SPATA6: variants seen among roughly 807,000 people sequenced by gnomAD.
The protein encoded by SPATA6 is spermatogenesis associated 6, also known as spermatogenesis-associated protein 6.
Under a neutral mutation model 65.3 loss-of-function variants are expected in SPATA6, and 56 were observed. That is an observed-to-expected ratio of 0.86 (90% CI 0.69 to 1.07). The LOEUF (loss-of-function observed/expected upper bound fraction) is 1.07. Among genes scored for constraint, SPATA6 ranks in the 50% least tolerant of loss-of-function variants. SPATA6 has a pLI of 0.00. For synonymous variants in SPATA6, 199 were observed against 213.2 expected (o/e 0.93, Z 0.58); for missense variants, 590 against 594.8 (o/e 0.99, Z 0.08).
intron 11 of SPATA6, among the ~76,000 whole-genome samples, chr1:48,351,583 A>C (rs1646515146): frequency 1.3e-5 from 2 of 152,102 alleles, no homozygotes; most frequent in Non-Finnish European, 2.9e-5. Context: ...GCTTTTTCTT[A>C]ATCATTTACT....
At chr1:48,288,805 C>T in the SPATA6 span, among the ~76,000 whole-genome samples, 1 of 152,186 alleles carries the variant, frequency 6.6e-6, no homozygotes, top group Non-Finnish European at 1.5e-5. Flanking sequence ...GGGAGGGGCG[C>T]CCACCATTGC....
intron 8 of SPATA6, among the ~76,000 whole-genome samples, chr1:48,388,165 A>G (rs1649681119): frequency 6.6e-6 from 1 of 152,144 alleles, no homozygotes; most frequent in Non-Finnish European, 1.5e-5. Context: ...CAGCAAAACT[A>G]GAACACAGCC....
At chr1:48,430,516 G>A (rs1490504452) in intron 3 of SPATA6, among the ~76,000 whole-genome samples, 1 of 152,102 alleles carries the variant, frequency 6.6e-6, no homozygotes, top group South Asian at 2.1e-4. Flanking sequence ...ACCCTAGACA[G>A]TAACACAAAG....
intron 11 of SPATA6, among the ~76,000 whole-genome samples, chr1:48,337,117 C>T (rs1440551662): frequency 6.6e-6 from 1 of 151,840 alleles, no homozygotes; most frequent in African/African-American, 2.4e-5. Flanking sequence ...AGACCAATCA[C>T]TGTCATTAAT....
chr1:48,471,589 A>C (rs1459632768), intron 1 of SPATA6, among the ~76,000 whole-genome samples: 1 of 152,098 alleles, frequency 6.6e-6, no homozygotes, highest in African/African-American at 2.4e-5. Context: ...GGGGGCAATA[A>C]TTCTCTAAGA....
At chr1:48,395,466 C>A in intron 7 of SPATA6, 112 bp from the exon 8 acceptor site, 1 of 551,090 alleles carries the variant, frequency 1.8e-6, no homozygotes, top group Non-Finnish European at 2.8e-6. Context: ...ATCAGGGAAA[C>A]ATGATGGTGC....
intron 11 of SPATA6, among the ~76,000 whole-genome samples, chr1:48,316,409 C>T (rs1258633745): frequency 2.6e-5 from 4 of 152,070 alleles, no homozygotes; most frequent in South Asian, 4.2e-4. Flanking sequence ...CTTTGACAAA[C>T]GTGACAAAAA....
intron 5 of SPATA6, among the ~76,000 whole-genome samples, chr1:48,408,405 T>G (rs185377882): frequency 4.0e-4 from 61 of 152,206 alleles, no homozygotes; most frequent in Non-Finnish European, 7.8e-4. Flanking sequence ...TAGTAAAGGA[T>G]AGAGAGTAAG....
At position 48,359,788 on chromosome 1, in the gene SPATA6, T is replaced by C. The variant is rs1342885415; in HGVS notation, c.910-18A>G. On this transcript the variant is annotated intron_variant, in intron 9 of 12. Transcript: ENST00000371847. ...CTGATAACCTGTTTTAAAAATTATATACATATAGATATACAAATACAGATA... is the reference window on the plus strand; with the variant it reads ...CTGATAACCTGTTTTAAAAATTATACACATATAGATATACAAATACAGATA... 2.2e-5 allele frequency: 34 copies of C among 1,551,266 alleles called. 1 individual carries two copies. In the East Asian group the frequency reaches 8.2e-4, roughly 37 times the overall value.
chr1:48,292,363 T>C (rs927343117), downstream of SPATA6, among the ~76,000 whole-genome samples: 2 of 152,176 alleles, frequency 1.3e-5, no homozygotes, highest in African/African-American at 4.8e-5. Flanking sequence ...ATTTGGCAAC[T>C]ATGTTGTCCT....
intron 4 of SPATA6, among the ~76,000 whole-genome samples, chr1:48,412,706 C>A (rs567089025): frequency 6.6e-6 from 1 of 152,140 alleles, no homozygotes; most frequent in Non-Finnish European, 1.5e-5. Context: ...GCAACCTCTG[C>A]CTCCCGGGTT....
chr1:48,311,890 G>A (rs535678834), intron 11 of SPATA6, among the ~76,000 whole-genome samples: 3 of 152,320 alleles, frequency 2.0e-5, no homozygotes, highest in Non-Finnish European at 4.4e-5. Context: ...CTTTTCCAAT[G>A]GTCTTAGCAA....
chr1:48,314,758 T>C (rs967337579), intron 11 of SPATA6, among the ~76,000 whole-genome samples: 1 of 151,928 alleles, frequency 6.6e-6, no homozygotes. Flanking sequence ...CAGGAGCTGG[T>C]TTTTTGAAAA....
At chr1:48,358,224 A>G (rs191970464) in intron 10 of SPATA6, among the ~76,000 whole-genome samples, 3 of 152,270 alleles carry the variant, frequency 2.0e-5, no homozygotes, top group Non-Finnish European at 4.4e-5. Context: ...GCTGGAACAA[A>G]ATTGCATACA....
At chr1:48,446,666 G>C (rs979008811) in intron 3 of SPATA6, among the ~76,000 whole-genome samples, 1 of 152,106 alleles carries the variant, frequency 6.6e-6, no homozygotes, top group Non-Finnish European at 1.5e-5. Flanking sequence ...ATAACCATCA[G>C]ATTATATGAA....
At chr1:48,350,731 C>T (rs1404391) in intron 11 of SPATA6, among the ~76,000 whole-genome samples, 148,614 of 152,046 alleles carry the variant, frequency 0.98, 72,720 homozygotes, top group East Asian at 1. Context: ...TCCTTTGATA[C>T]ATGTGTCCAT....
intron 11 of SPATA6, among the ~76,000 whole-genome samples, chr1:48,327,546 A>G (rs956599828): frequency 6.6e-6 from 1 of 152,198 alleles, no homozygotes; most frequent in Admixed American, 6.5e-5. Context: ...ATCTGTATTC[A>G]TATATTCATT....
chr1:48,312,710 G>A (rs770679615), intron 11 of SPATA6, among the ~76,000 whole-genome samples: 10 of 151,452 alleles, frequency 6.6e-5, no homozygotes, highest in African/African-American at 1.5e-4. Context: ...TGAATTTGAC[G>A]AGTTGAGAGA....
At chr1:48,316,670 A>C (rs1372149787) in intron 11 of SPATA6, among the ~76,000 whole-genome samples, 2 of 152,322 alleles carry the variant, frequency 1.3e-5, no homozygotes, top group East Asian at 3.9e-4. Flanking sequence ...ACAAAAGCCA[A>C]AATTGACAAA....
Sources: gnomAD v4.1 joint callset for allele counts (sites outside exome capture counted in the v4.1 genomes callset) on GRCh38, gnomAD v4.1.1 for gene constraint, MANE v1.5 for transcripts, NCBI Gene and HGNC (gene_info 2026-07-23, HGNC 2026-07-21) for gene names.